CSMD2: variants seen among roughly 807,000 people sequenced by gnomAD.
CSMD2 encodes the protein CUB and Sushi multiple domains 2.
A neutral mutation model predicts 398.5 loss-of-function variants in CSMD2; 130 were observed. That is an observed-to-expected ratio of 0.33 (90% CI 0.28 to 0.38). The LOEUF is 0.38. CSMD2 is among the 10% of genes least tolerant of loss of function. The pLI is 1.00. For synonymous variants in CSMD2, 1,828 were observed against 1,908.5 expected (o/e 0.96, Z 1.10); for missense variants, 3,829 against 4,764.9 (o/e 0.80, Z 5.78).
chr1:33,748,359 G>T (rs1416749134), intron 13 of CSMD2, among the ~76,000 whole-genome samples: 1 of 152,172 alleles, frequency 6.6e-6, no homozygotes, highest in African/African-American at 2.4e-5. Flanking sequence ...AGGAGATCAG[G>T]CACCTTCCTC....
chr1:34,040,123 C>G (rs114005321), intron 2 of CSMD2, among the ~76,000 whole-genome samples: 2 of 151,536 alleles, frequency 1.3e-5, no homozygotes, highest in African/African-American at 2.4e-5. Context: ...CCTAGGAGTT[C>G]GAAGCTGCAG....
chr1:33,976,303 C>G (rs914724053), intron 3 of CSMD2, among the ~76,000 whole-genome samples: 1 of 152,192 alleles, frequency 6.6e-6, no homozygotes, highest in Non-Finnish European at 1.5e-5. Context: ...TGGGTTTAAA[C>G]AAAGGCTGAT....
At chr1:34,011,345 A>G (rs55811521) in intron 3 of CSMD2, among the ~76,000 whole-genome samples, 7,627 of 152,272 alleles carry the variant, frequency 0.05, 252 homozygotes, top group East Asian at 0.15. Context: ...AACTGACAAA[A>G]GTCCGGAAAT....
intron 2 of CSMD2, among the ~76,000 whole-genome samples, chr1:34,074,700 G>A (rs985235647): frequency 6.6e-6 from 1 of 151,972 alleles, no homozygotes; most frequent in Non-Finnish European, 1.5e-5. Flanking sequence ...ACAGCCTTGT[G>A]GGGTAGATGG....
At chr1:33,582,673 G>A (rs1255308680) in intron 47 of CSMD2, among the ~76,000 whole-genome samples, 1 of 152,232 alleles carries the variant, frequency 6.6e-6, no homozygotes, top group African/African-American at 2.4e-5. Flanking sequence ...TGATGCTGAT[G>A]ACTGGGGGTC....
chr1:33,620,806 C>CTTT lies in CSMD2; in HGVS notation c.5827+1358_5827+1360dup, dbSNP rs34986869. ...GGGTCTGCTTCTAGCTGTCCTGGGT[C>CTTT]TTTTTTTTTTTTTTTTTTTTTTTTC... On this transcript the variant is annotated intron_variant, in intron 37 of 70. Transcript: ENST00000373381. Among the ~76,000 whole-genome samples, 106 of 91,924 alleles carry CTTT rather than the reference C, an allele frequency of 1.2e-3. 1 individual carries two copies. Among genetic ancestry groups the CTTT allele is most frequent in the African/African-American group, 2.7e-3 (61 of 22,278 alleles). The allele number at this position is 91,924 out of a possible 152,430, so 60.3% of individuals were successfully genotyped here.
intron 3 of CSMD2, among the ~76,000 whole-genome samples, chr1:33,937,056 G>T (rs998374905): frequency 6.6e-6 from 1 of 152,146 alleles, no homozygotes; most frequent in Non-Finnish European, 1.5e-5. Flanking sequence ...TTGCACTTTA[G>T]TTTCCTCATT....
At chr1:33,666,021 T>A (rs974196252) in intron 25 of CSMD2, among the ~76,000 whole-genome samples, 1 of 152,190 alleles carries the variant, frequency 6.6e-6, no homozygotes, top group Non-Finnish European at 1.5e-5. Flanking sequence ...AGCTGAAGAA[T>A]CCTGATTCTC....
intron 3 of CSMD2, among the ~76,000 whole-genome samples, chr1:33,983,516 A>C (rs1646243561): frequency 6.6e-6 from 1 of 151,928 alleles, no homozygotes; most frequent in African/African-American, 2.4e-5. Context: ...AATCTGCAAG[A>C]CTTCCTCTTC....
intron 56 of CSMD2, among the ~76,000 whole-genome samples, chr1:33,549,078 C>A (rs1657176968): frequency 6.6e-6 from 1 of 152,168 alleles, no homozygotes; most frequent in Admixed American, 6.5e-5. Context: ...GGCTTTGGGA[C>A]TCTTTTCTTT....
chr1:33,905,336 C>T (rs1643023857), intron 5 of CSMD2, among the ~76,000 whole-genome samples: 1 of 152,128 alleles, frequency 6.6e-6, no homozygotes, highest in South Asian at 2.1e-4. Flanking sequence ...GCAAAACAGA[C>T]TAAGAAGGAA....
intron 5 of CSMD2, among the ~76,000 whole-genome samples, chr1:33,908,797 T>C: frequency 6.6e-6 from 1 of 152,256 alleles, no homozygotes; most frequent in Middle Eastern, 3.2e-3. Context: ...AAGGCACTAA[T>C]CTTTTCTTAC....
rs751570386 is a variant in CSMD2, at chr1:33,559,750, G to A, written c.8381-277C>T. On this transcript the variant is annotated intron_variant, in intron 53 of 70. Transcript: ENST00000373381. The surrounding 1 kb of genome is among the most constrained non-coding windows in gnomAD (Gnocchi z 4.0). The stretch of plus-strand genomic sequence containing the variant: ...GACTGTGGTTCTCTGTGGTCTGAGC[G>A]GTCAGTGCTATCTTACTTTCCTTGC... Among the ~76,000 whole-genome samples, 24 of 151,994 alleles carry A rather than the reference G, an allele frequency of 1.6e-4. No individual in the cohort carries two copies. Among genetic ancestry groups the A allele is most frequent in the East Asian group, 3.9e-4 (2 of 5,182 alleles).
chr1:33,783,392 G>T (rs996218664), intron 12 of CSMD2, among the ~76,000 whole-genome samples: 15 of 151,354 alleles, frequency 9.9e-5, no homozygotes, highest in Non-Finnish European at 1.5e-4. Flanking sequence ...CTGAGAGGAT[G>T]GATGTCTAAG....
chr1:33,887,893 T>A (rs551088115), intron 5 of CSMD2, among the ~76,000 whole-genome samples: 13 of 152,212 alleles, frequency 8.5e-5, no homozygotes, highest in African/African-American at 3.1e-4. Context: ...CTATTAGGGC[T>A]GATGAGAGAG....
intron 28 of CSMD2, among the ~76,000 whole-genome samples, chr1:33,650,027 C>T (rs1643669731): frequency 6.6e-6 from 1 of 152,200 alleles, no homozygotes; most frequent in South Asian, 2.1e-4. Context: ...CCCTGTAATT[C>T]AGCTTCTTGA....
intron 40 of CSMD2, among the ~76,000 whole-genome samples, chr1:33,612,062 G>T (rs557654478): frequency 6.6e-6 from 1 of 152,282 alleles, no homozygotes; most frequent in Admixed American, 6.5e-5. Flanking sequence ...TAATTTGCCT[G>T]CTAGGAATAT....
At position 33,580,779 on chromosome 1, in the gene CSMD2, C is replaced by G. The variant is rs867709818; in HGVS notation, c.7361G>C (p.Arg2454Pro). ...TGAATAGCGGATCTTGAAGCCCTTC[C>G]GATTGTAGGCGTGATCAGATGACCA... ...LRWSSDHAYN[R>P]KGFKIRYSAP... The change falls in exon 48 of 71, where the codon CGG becomes CCG. Residue 2454 changes from arginine (R) to proline (P), a missense_variant. Coordinates refer to ENST00000373381, the MANE Select transcript of CSMD2 (RefSeq NM_001281956.2). 6.2e-7 allele frequency: 1 copy of G among 1,614,064 alleles called. No individual in the cohort carries two copies. Among genetic ancestry groups the G allele is most frequent in the Admixed American group, 1.7e-5 (1 of 60,006 alleles).
At chr1:33,961,047 C>T (rs1279437815) in intron 3 of CSMD2, among the ~76,000 whole-genome samples, 1 of 152,244 alleles carries the variant, frequency 6.6e-6, no homozygotes, top group Non-Finnish European at 1.5e-5. Context: ...ATATGAAATC[C>T]AGGCCATCAA....
Sources: gnomAD v4.1 joint callset for allele counts (sites outside exome capture counted in the v4.1 genomes callset) on GRCh38, gnomAD v4.1.1 for gene constraint, Gnocchi (gnomAD v3.1) non-coding constraint, MANE v1.5 for transcripts, NCBI Gene and HGNC (gene_info 2026-07-23, HGNC 2026-07-21) for gene names.